Variants in SYNE3 observed in about 807,000 individuals in gnomAD.
SYNE3 encodes the protein nesprin-3.
Under a neutral mutation model 111.2 loss-of-function variants are expected in SYNE3, and 100 were observed. The observed-to-expected ratio is 0.90, with a 90% CI of 0.77 to 1.06. The LOEUF is 1.06. Ranked by LOEUF, SYNE3 falls within the 50% of genes least tolerant of loss-of-function variation. The pLI is 0.00. For missense variants in SYNE3, 1,160 were observed against 1,240.3 expected, an observed-to-expected ratio of 0.94 and a Z score of 0.97; for synonymous variants, 547 against 533.9, an observed-to-expected ratio of 1.02 and a Z score of -0.34.
intron 17 of SYNE3, among the ~76,000 whole-genome samples, chr14:95,421,094 A>T (rs1885095099): frequency 6.6e-6 from 1 of 152,086 alleles, no homozygotes; most frequent in Non-Finnish European, 1.5e-5. Context: ...TTCTTCTGCC[A>T]TAATTGTGAG....
intron 16 of SYNE3, among the ~76,000 whole-genome samples, chr14:95,432,765 C>T (rs1416842398): frequency 6.6e-6 from 1 of 151,776 alleles, no homozygotes; most frequent in Non-Finnish European, 1.5e-5. Flanking sequence ...GGGGCTGGAC[C>T]CCAGGGCTCC....
At chr14:95,516,278 G>T (rs1195641551) in intron 1 of SYNE3, 1 of 152,170 alleles carries the variant, frequency 6.6e-6, no homozygotes, top group Non-Finnish European at 1.5e-5. Flanking sequence ...CGGCCCGCTG[G>T]GGCGCGCTGC....
In SYNE3 at chr14:95,466,146, G is replaced by A. The variant is rs776303712; in HGVS notation, c.412C>T (p.Pro138Ser). 3.1e-6 allele frequency: 5 copies of A among 1,610,276 alleles called. No homozygotes were observed. The highest frequency in any genetic ancestry group is 4.2e-6 in the Non-Finnish European group (5 of 1,176,954). Residue 138 changes from proline to serine, a missense_variant, in exon 4 of 18, where the codon CCC (proline) becomes TCC (serine). Coordinates refer to ENST00000682763, the MANE Select transcript of SYNE3 (RefSeq NM_152592.6). The part of the protein sequence containing the change: ...WFQKMMVTLE[P>S]HIELQLGLKE... ...AGGCCCAGCTGGAGCTCGATGTGGG[G>A]CTCCAGTGTGACCATCATCTTCTGG...
Position 95,409,702 on chromosome 14 carries a change from T to C in SYNE3, c.*8124A>G. The C allele has an allele frequency of 3.3e-6, 1 of 302,848 alleles. No homozygotes were observed. Among genetic ancestry groups the C allele is most frequent in the Non-Finnish European group, 6.5e-6 (1 of 154,686 alleles). 18.8% of individuals were successfully genotyped at this position (302,848 alleles called of 1,614,324 possible). A position where few individuals can be genotyped will look rare whatever the true frequency, so the allele number is the denominator to read the frequency against. On this transcript the variant is annotated 3_prime_UTR_variant, in exon 18 of 18. Transcript: ENST00000682763. ...TTAGAAACAAATTCCTCCTTGTTCTTACTTTGAAAAACAGAAGTCGTTTCT... is the reference window on the plus strand; with the variant it reads ...TTAGAAACAAATTCCTCCTTGTTCTCACTTTGAAAAACAGAAGTCGTTTCT...
At position 95,416,168 on chromosome 14, in the gene SYNE3, TCCTG is replaced by T. The variant is rs945221643; in HGVS notation, c.*1654_*1657del. Reference sequence around the variant, plus strand: ...AGGGCTCTCCTTGGCAGCACGGGTTTCCTGCCGGTGAAATGTCCTAGTTGCCTAG... The same window carrying T: ...AGGGCTCTCCTTGGCAGCACGGGTTTCCGGTGAAATGTCCTAGTTGCCTAG... On this transcript the variant is annotated 3_prime_UTR_variant, in exon 18 of 18. Coordinates refer to ENST00000682763, the MANE Select transcript of SYNE3 (RefSeq NM_152592.6). The T allele has an allele frequency of 6.6e-6, 1 of 151,990 alleles. No homozygotes were observed. Among genetic ancestry groups the T allele is most frequent in the African/African-American group, 2.4e-5 (1 of 41,406 alleles). The allele number at this position is 151,990 out of a possible 1,614,324, so 9.4% of individuals were successfully genotyped here. A position where few individuals can be genotyped will look rare whatever the true frequency, so the allele number is the denominator to read the frequency against.
At chr14:95,463,556 G>A (rs1566670826) in intron 4 of SYNE3, among the ~76,000 whole-genome samples, 2 of 152,382 alleles carry the variant, frequency 1.3e-5, no homozygotes, top group Non-Finnish European at 2.9e-5. Context: ...CAAAGAGGCT[G>A]TGGAGCCAGG....
rs369931009 is a variant in SYNE3 at position 95,467,859 on chromosome 14, C to T, written c.253G>A (p.Ala85Thr). 4 of 1,614,110 alleles carry T rather than the reference C, an allele frequency of 2.5e-6. No homozygotes were observed. In the African/African-American group the frequency reaches 5.3e-5, roughly 22 times the overall value. Residue 85 changes from alanine to threonine, a missense_variant, in exon 3 of 18, where the codon GCC (alanine) becomes ACC (threonine). By Grantham distance (58) the Ala-to-Thr change is moderately conservative. Coordinates refer to ENST00000682763, the MANE Select transcript of SYNE3 (RefSeq NM_152592.6). ...CPGDQKPGIL[A>T]RLKDIKAQWE... ...TGGGCCTTGATGTCCTTCAGCCGGGCCAGGATCCCGGGCTTCTGGTCCCCA... is the reference window on the plus strand; with the variant it reads ...TGGGCCTTGATGTCCTTCAGCCGGGTCAGGATCCCGGGCTTCTGGTCCCCA...
chr14:95,432,000 T>TTGCCCCAGTGTCACGGGCCC, intron 17 of SYNE3, 79 bp downstream of exon 17: 1 of 1,524,708 alleles, frequency 6.6e-7, no homozygotes, highest in East Asian at 2.3e-5. Flanking sequence ...CCCACGAGTC[T>TTGCCCCAGTGTCACGGGCCC]TGCCCCAGTG....
chr14:95,504,027 G>A (rs1890435870), intron 1 of SYNE3, among the ~76,000 whole-genome samples: 1 of 152,068 alleles, frequency 6.6e-6, no homozygotes, highest in Non-Finnish European at 1.5e-5. Context: ...TGCAAACCAT[G>A]GCCCACTGCC....
chr14:95,444,698 C>G, intron 9 of SYNE3, 70 bp from the exon 10 acceptor site: 1 of 1,473,646 alleles, frequency 6.8e-7, no homozygotes, highest in Non-Finnish European at 9.0e-7. Context: ...AGACCCGACC[C>G]GTTCAGCCAG....
chr14:95,437,177 T>C (rs747419668), intron 14 of SYNE3, among the ~76,000 whole-genome samples, 196 bp from the exon 15 acceptor site: 2 of 152,146 alleles, frequency 1.3e-5, no homozygotes, highest in Non-Finnish European at 2.9e-5. Context: ...TTCCTCACTG[T>C]CCCCTTTCTG....
intron 6 of SYNE3, 107 bp from the exon 7 acceptor site, chr14:95,452,490 G>A (rs1887156096): frequency 1.5e-6 from 2 of 1,359,640 alleles, no homozygotes; most frequent in Non-Finnish European, 1.9e-6. Context: ...AGGCTAGGAA[G>A]AAACTGTCAC....
At chr14:95,462,054 C>T (rs1887859062) in intron 4 of SYNE3, among the ~76,000 whole-genome samples, 1 of 152,224 alleles carries the variant, frequency 6.6e-6, no homozygotes, top group Non-Finnish European at 1.5e-5. Context: ...TTGCCCCGCT[C>T]AGGAGCCTCT....
intron 17 of SYNE3, among the ~76,000 whole-genome samples, chr14:95,426,698 T>C (rs1216054311): frequency 1.3e-5 from 2 of 151,890 alleles, no homozygotes. Flanking sequence ...AGTTATACTA[T>C]TGGGAGACCG....
At chr14:95,508,023 T>C (rs143544204) in intron 1 of SYNE3, among the ~76,000 whole-genome samples, 139 of 152,316 alleles carry the variant, frequency 9.1e-4, no homozygotes, top group African/African-American at 3.3e-3. Flanking sequence ...AAGAGCCAGA[T>C]GTCTGGTTAG....
intron 10 of SYNE3, 30 bp from the exon 11 acceptor site, chr14:95,443,319 A>G: frequency 6.2e-7 from 1 of 1,613,528 alleles, no homozygotes; most frequent in Non-Finnish European, 8.5e-7. Flanking sequence ...AGGTAGGCTA[A>G]TCTTCCCACC....
intron 1 of SYNE3, among the ~76,000 whole-genome samples, chr14:95,481,357 C>T (rs567118294): frequency 2.0e-5 from 3 of 152,246 alleles, no homozygotes; most frequent in East Asian, 3.9e-4. Context: ...AAAGCCCCTC[C>T]GAGTCCAGCT....
intron 1 of SYNE3, among the ~76,000 whole-genome samples, chr14:95,515,199 C>T (rs1029708009): frequency 1.3e-5 from 2 of 152,228 alleles, no homozygotes; most frequent in Non-Finnish European, 2.9e-5. Context: ...CCAGAGGGGC[C>T]TCTCTGGTTG....
chr14:95,464,494 G>A (rs966206057), intron 4 of SYNE3, among the ~76,000 whole-genome samples: 6 of 152,208 alleles, frequency 3.9e-5, no homozygotes, highest in Non-Finnish European at 8.8e-5. Context: ...AGAAGGAAAT[G>A]TGCATGTTTT....
Sources: gnomAD v4.1 joint callset for allele counts (sites outside exome capture counted in the v4.1 genomes callset) on GRCh38, gnomAD v4.1.1 for gene constraint, MANE v1.5 for transcripts, NCBI Gene and HGNC (gene_info 2026-07-23, HGNC 2026-07-21) for gene names.